CCM2: variants seen among roughly 807,000 people sequenced by gnomAD.
CCM2 encodes the protein cerebral cavernous malformations 2 protein.
Under a neutral mutation model 44.9 loss-of-function variants are expected in CCM2, and 25 were observed. The ratio of observed to expected loss-of-function variants is 0.56; its 90% CI spans 0.41 to 0.78. CCM2 has a LOEUF of 0.78. CCM2 is among the 30% of genes least tolerant of loss of function. The pLI is 0.00. For synonymous variants in CCM2, 219 were observed against 241.1 expected, an observed-to-expected ratio of 0.91 and a Z score of 0.85; for missense variants, 481 against 580.6, an observed-to-expected ratio of 0.83 and a Z score of 1.76.
At chr7:45,011,337 C>T (rs1331044453) in intron 1 of CCM2, among the ~76,000 whole-genome samples, 2 of 151,496 alleles carry the variant, frequency 1.3e-5, no homozygotes, top group African/African-American at 4.9e-5. Context: ...GCTGGGATTA[C>T]AGGTGCCCGC....
intron 1 of CCM2, among the ~76,000 whole-genome samples, chr7:45,022,290 CTTTTTTTTTTT>C (rs34095527): frequency 1.3e-4 from 6 of 45,432 alleles, no homozygotes; most frequent in African/African-American, 2.7e-4. Context: ...TTTGGACCAG[CTTTTTTTTTTT>C]TTTTTTTTTT....
At chr7:45,060,265 C>T (rs1416377001) in intron 2 of CCM2, among the ~76,000 whole-genome samples, 1 of 152,150 alleles carries the variant, frequency 6.6e-6, no homozygotes, top group Non-Finnish European at 1.5e-5. Context: ...TGGATGGTTC[C>T]TGAAGAGAAA....
intron 6 of CCM2, chr7:45,071,678 C>T (rs571833197): frequency 1.1e-5 from 5 of 436,754 alleles, no homozygotes; most frequent in African/African-American, 1.0e-4. Context: ...GAGAAGAAGC[C>T]ATTTCCTTGT....
chr7:45,003,731 A>C (rs1795737374), intron 1 of CCM2, among the ~76,000 whole-genome samples: 1 of 149,260 alleles, frequency 6.7e-6, no homozygotes, highest in African/African-American at 2.5e-5. Flanking sequence ...CCATCTCCAA[A>C]AAAAAAAAAA....
chr7:45,054,497 A>G (rs1019370217), intron 2 of CCM2, among the ~76,000 whole-genome samples: 1 of 151,468 alleles, frequency 6.6e-6, no homozygotes, highest in Admixed American at 6.6e-5. Context: ...AAAAAAAAAA[A>G]CACTTATATC....
At chr7:45,061,618 G>T (rs1260098497) in intron 2 of CCM2, among the ~76,000 whole-genome samples, 1 of 151,894 alleles carries the variant, frequency 6.6e-6, no homozygotes, top group African/African-American at 2.4e-5. Flanking sequence ...CAGGCACACT[G>T]CCGTGCCCAA....
intron 1 of CCM2, among the ~76,000 whole-genome samples, chr7:45,020,649 A>G (rs10255309): frequency 0.12 from 17,546 of 152,274 alleles, 1,713 homozygotes; most frequent in African/African-American, 0.26. Flanking sequence ...ATTGTTTTGT[A>G]TGGTAGAACC....
intron 1 of CCM2, among the ~76,000 whole-genome samples, chr7:45,014,713 C>T (rs1285963045): frequency 2.0e-5 from 3 of 151,862 alleles, no homozygotes; most frequent in Admixed American, 6.6e-5. Flanking sequence ...CCTCCACCTC[C>T]TGGGTTTAAG....
chr7:45,055,037 T>G (rs993439194), intron 2 of CCM2, among the ~76,000 whole-genome samples: 35 of 152,230 alleles, frequency 2.3e-4, no homozygotes, highest in African/African-American at 8.0e-4. Context: ...GATTCATCCC[T>G]ATAGGAAGAA....
At chr7:45,018,221 T>A (rs1360375383) in intron 1 of CCM2, among the ~76,000 whole-genome samples, 1 of 152,138 alleles carries the variant, frequency 6.6e-6, no homozygotes, top group Non-Finnish European at 1.5e-5. Flanking sequence ...GGCCCTCCAC[T>A]CACCTCCTGC....
chr7:45,049,087 G>T (rs895468129), intron 2 of CCM2, among the ~76,000 whole-genome samples: 14 of 152,086 alleles, frequency 9.2e-5, no homozygotes, highest in African/African-American at 2.7e-4. Context: ...TTCCTGAGTA[G>T]CTGGGACCAC....
chr7:45,052,684 G>A (rs1798068907), intron 2 of CCM2, among the ~76,000 whole-genome samples: 1 of 152,152 alleles, frequency 6.6e-6, no homozygotes, highest in Non-Finnish European at 1.5e-5. Context: ...ATTCCATTTA[G>A]CTCAGTTTGT....
rs12537982 is a variant in CCM2 at position 45,076,248 on chromosome 7, G to A, written c.*191G>A. ...GCTGCCGAGGGACACGAGCCTCAGT[G>A]CGGGGTGGAAGGCTCTTTGCCTTGT... On this transcript the variant is annotated 3_prime_UTR_variant, in exon 10 of 10. Coordinates refer to ENST00000258781, the MANE Select transcript of CCM2 (RefSeq NM_031443.4). 0.012 allele frequency: 9,976 copies of A among 805,716 alleles called. 93 individuals are homozygous for A. The highest frequency in any genetic ancestry group is 0.015 in the Non-Finnish European group (7,327 of 483,224). The allele number at this position is 805,716 out of a possible 1,614,324, so 49.9% of individuals were successfully genotyped here. A position where few individuals can be genotyped will look rare whatever the true frequency, so the allele number is the denominator to read the frequency against.
chr7:45,011,007 A>G (rs543990129), intron 1 of CCM2, among the ~76,000 whole-genome samples: 3 of 152,270 alleles, frequency 2.0e-5, no homozygotes, highest in East Asian at 3.9e-4. Flanking sequence ...GACACTGCCA[A>G]ACTTTCTGCT....
chr7:45,008,761 A>T (rs1795950080), intron 1 of CCM2, among the ~76,000 whole-genome samples: 1 of 152,108 alleles, frequency 6.6e-6, no homozygotes, highest in African/African-American at 2.4e-5. Context: ...CCTAGATATG[A>T]TTATGTCTAG....
chr7:45,021,820 G>T (rs1307560589), intron 1 of CCM2, among the ~76,000 whole-genome samples: 1 of 152,116 alleles, frequency 6.6e-6, no homozygotes, highest in Non-Finnish European at 1.5e-5. Context: ...GCCTTGCGTG[G>T]CTGTGACAGC....
At chr7:45,046,683 G>T (rs1323776637) in intron 2 of CCM2, among the ~76,000 whole-genome samples, 1 of 152,208 alleles carries the variant, frequency 6.6e-6, no homozygotes, top group Non-Finnish European at 1.5e-5. Flanking sequence ...GCTACGCAGA[G>T]TTCTGAGACT....
chr7:45,057,529 G>GGT (rs1798322426), intron 2 of CCM2, among the ~76,000 whole-genome samples: 1 of 152,102 alleles, frequency 6.6e-6, no homozygotes. Context: ...TGACTGTGGT[G>GGT]GTGTAGTAAG....
chr7:45,056,546 A>G (rs1798272439), intron 2 of CCM2, among the ~76,000 whole-genome samples: 1 of 152,174 alleles, frequency 6.6e-6, no homozygotes, highest in Non-Finnish European at 1.5e-5. Flanking sequence ...GTATTTCATT[A>G]CGGTTTTGAT....
Sources: gnomAD v4.1 joint callset for allele counts (sites outside exome capture counted in the v4.1 genomes callset) on GRCh38, gnomAD v4.1.1 for gene constraint, MANE v1.5 for transcripts, NCBI Gene and HGNC (gene_info 2026-07-23, HGNC 2026-07-21) for gene names.